The following FER variants were observed in gnomAD, a reference collection of about 807,000 sequenced individuals.
The protein encoded by FER is tyrosine-protein kinase Fer.
In FER, 63 loss-of-function variants were observed where a neutral mutation model predicts 111.0. The ratio of observed to expected loss-of-function variants is 0.57; its 90% CI spans 0.46 to 0.70. The LOEUF is 0.70. Ranked by LOEUF, FER falls within the 30% of genes least tolerant of loss-of-function variation. The pLI, the probability that FER is intolerant of heterozygous loss-of-function variation, is 0.00. For missense variants in FER, 914 were observed against 954.0 expected, an observed-to-expected ratio of 0.96 and a Z score of 0.55; for synonymous variants, 327 against 313.9, an observed-to-expected ratio of 1.04 and a Z score of -0.44.
intron 17 of FER, among the ~76,000 whole-genome samples, chr5:109,128,623 T>A (rs1041754390): frequency 6.6e-6 from 1 of 152,138 alleles, no homozygotes. Flanking sequence ...GAATGGGGAT[T>A]GTATTAAGAT....
intron 5 of FER, among the ~76,000 whole-genome samples, chr5:108,861,847 A>T (rs1361516129): frequency 6.6e-6 from 1 of 152,214 alleles, no homozygotes; most frequent in Non-Finnish European, 1.5e-5. Context: ...AAATTGACTT[A>T]TGTATCCTGT....
chr5:108,960,915 A>G (rs1332753357), intron 13 of FER, among the ~76,000 whole-genome samples: 1 of 152,116 alleles, frequency 6.6e-6, no homozygotes, highest in Non-Finnish European at 1.5e-5. Context: ...ACAATTAAGT[A>G]TATATCTCTT....
chr5:109,193,119 C>G lies in FER; in HGVS notation c.*5544C>G, dbSNP rs941349106. The G allele has an allele frequency of 6.6e-6, 1 of 152,156 alleles. No individual in the cohort carries two copies. The highest frequency in any genetic ancestry group is 1.5e-5 in the Non-Finnish European group (1 of 68,030). 9.4% of individuals were successfully genotyped at this position (152,156 alleles called of 1,614,324 possible). A position where few individuals can be genotyped will look rare whatever the true frequency, so the allele number is the denominator to read the frequency against. ...GCGTGCCTCTTAAGTCTCTACAACA[C>G]TTTTTTAAAGGGCATTGAATTGGAC... On this transcript the variant is annotated 3_prime_UTR_variant, in exon 20 of 20. Coordinates refer to ENST00000281092, the MANE Select transcript of FER (RefSeq NM_005246.4).
intron 13 of FER, among the ~76,000 whole-genome samples, chr5:108,981,557 A>C (rs931383128): frequency 6.6e-6 from 1 of 152,126 alleles, no homozygotes; most frequent in African/African-American, 2.4e-5. Context: ...ACAGCTGTGC[A>C]TAGTCCTGAG....
rs1382807588 is a variant in FER, at chr5:109,188,875, C to A, written c.*1300C>A. 6.6e-6 allele frequency: 1 copy of A among 152,150 alleles called. No homozygotes were observed. The highest frequency in any genetic ancestry group is 2.4e-5 in the African/African-American group (1 of 41,434). 9.4% of individuals were successfully genotyped at this position (152,150 alleles called of 1,614,324 possible). A position where few individuals can be genotyped will look rare whatever the true frequency, so the allele number is the denominator to read the frequency against. ...CCAGTTTTTAGAGCTGTCAGAATTT[C>A]ATGATTCTAGTTCACCAACACATTC... On this transcript the variant is annotated 3_prime_UTR_variant, in exon 20 of 20. Transcript: ENST00000281092.
At chr5:108,828,921 G>C (rs537185902) in intron 3 of FER, among the ~76,000 whole-genome samples, 1 of 152,158 alleles carries the variant, frequency 6.6e-6, no homozygotes, top group African/African-American at 2.4e-5. Context: ...AACATGGTGA[G>C]ACCCTGTCTC....
intron 17 of FER, among the ~76,000 whole-genome samples, chr5:109,108,941 A>ATTTTATTTTAAATATTT (rs1295677857): frequency 6.6e-6 from 1 of 152,116 alleles, no homozygotes; most frequent in Non-Finnish European, 1.5e-5. Context: ...GTTTTAAAAT[A>ATTTTATTTTAAATATTT]TTGTTCATCA....
chr5:108,973,742 CATGAGGG>C (rs1199835275), intron 13 of FER, among the ~76,000 whole-genome samples: 1 of 152,074 alleles, frequency 6.6e-6, no homozygotes, highest in African/African-American at 2.4e-5. Flanking sequence ...ATGGTCTTAC[CATGAGGG>C]ATACTTCCTA....
intron 2 of FER, among the ~76,000 whole-genome samples, chr5:108,770,011 C>T (rs1013413741): frequency 6.6e-6 from 1 of 152,090 alleles, no homozygotes; most frequent in Non-Finnish European, 1.5e-5. Context: ...TGCAATGGCA[C>T]AATCTCGATT....
intron 17 of FER, among the ~76,000 whole-genome samples, chr5:109,135,198 G>A (rs1451353512): frequency 6.6e-6 from 1 of 152,172 alleles, no homozygotes; most frequent in Non-Finnish European, 1.5e-5. Flanking sequence ...GATAATAATG[G>A]TAGGTAACAT....
chr5:108,899,189 A>G (rs181860083), intron 10 of FER, among the ~76,000 whole-genome samples: 2 of 152,234 alleles, frequency 1.3e-5, no homozygotes, highest in Admixed American at 6.5e-5. Context: ...TTAAATATTA[A>G]AATTAAACTA....
At chr5:109,168,402 T>C (rs1280060073) in intron 17 of FER, among the ~76,000 whole-genome samples, 1 of 152,064 alleles carries the variant, frequency 6.6e-6, no homozygotes, top group African/African-American at 2.4e-5. Context: ...GACTTTTGTC[T>C]CCATCCCCCA....
intron 1 of FER, among the ~76,000 whole-genome samples, chr5:108,767,817 G>C (rs1368608368): frequency 6.6e-6 from 1 of 152,184 alleles, no homozygotes; most frequent in East Asian, 1.9e-4. Flanking sequence ...TGATGTAAAC[G>C]TGGAGAAAAA....
At position 108,888,772 on chromosome 5, in the gene FER, A is replaced by G. The variant is rs930968939; in HGVS notation, c.1046+5254A>G. Among the ~76,000 whole-genome samples, 3 of 151,964 alleles carry G rather than the reference A, an allele frequency of 2.0e-5. No individual in the cohort carries two copies. In the Admixed American group the frequency reaches 2.0e-4, roughly 10 times the overall value. ...CAAAAGGAACATGTTCATATATGAG[A>G]GATTATGTCATAGATAAAGGCTGAA... On this transcript the variant is annotated intron_variant, in intron 9 of 19. Coordinates refer to ENST00000281092, the MANE Select transcript of FER (RefSeq NM_005246.4).
In FER at chr5:109,180,786, T is replaced by C. The variant is rs368804605; in HGVS notation, c.2088T>C (p.Asn696=). 5 of 1,613,402 alleles carry C rather than the reference T, an allele frequency of 3.1e-6. No homozygotes were observed. Among genetic ancestry groups the C allele is most frequent in the Non-Finnish European group, 4.2e-6 (5 of 1,179,682 alleles). Residue 696 remains asparagine (N), a synonymous_variant, in exon 18 of 20, where the codon AAT becomes AAC. Coordinates refer to ENST00000281092, the MANE Select transcript of FER (RefSeq NM_005246.4). ...GAAACTGCCTGGTAGGTGAAAATAATGTTCTGAAAATCAGTGACTTTGGAA... is the reference window on the plus strand; with the variant it reads ...GAAACTGCCTGGTAGGTGAAAATAACGTTCTGAAAATCAGTGACTTTGGAA... The part of the protein sequence containing the change: ...AARNCLVGEN[N]VLKISDFGMS...
chr5:108,903,484 G>C (rs1386056584), intron 10 of FER, among the ~76,000 whole-genome samples: 1 of 152,078 alleles, frequency 6.6e-6, no homozygotes, highest in Non-Finnish European at 1.5e-5. Flanking sequence ...GACCAACATG[G>C]CAAAACCCTG....
In FER at chr5:109,077,856, ATATAAT is replaced by A. The variant is rs1490001845; in HGVS notation, c.1925-22537_1925-22532del. ...AGCATTATAAAGAACTTTCAAACCC[ATATAAT>A]TAGTTTTTTTGTAATCATAAATAAT... On this transcript the variant is annotated intron_variant, in intron 16 of 19. Coordinates refer to ENST00000281092, the MANE Select transcript of FER (RefSeq NM_005246.4). Among the ~76,000 whole-genome samples the A allele has an allele frequency of 2.0e-5, 3 of 152,280 alleles. No individual in the cohort carries two copies. The East Asian group carries it at 5.8e-4, about 29-fold the overall frequency.
intron 3 of FER, among the ~76,000 whole-genome samples, chr5:108,831,496 A>G (rs6874229): frequency 0.42 from 63,945 of 152,010 alleles, 15,004 homozygotes; most frequent in African/African-American, 0.63. Context: ...TTAAGAGCAA[A>G]TTAGTGATTA....
At chr5:108,842,693 A>G (rs1400183279) in intron 5 of FER, 1 of 152,224 alleles carries the variant, frequency 6.6e-6, no homozygotes, top group Non-Finnish European at 1.5e-5. Flanking sequence ...CCACAATGTG[A>G]TACCTCCTTA....
Sources: allele counts gnomAD v4.1 joint callset (sites outside exome capture counted in the v4.1 genomes callset), GRCh38; gene constraint gnomAD v4.1.1; transcripts MANE v1.5; gene names NCBI Gene and HGNC (gene_info 2026-07-23, HGNC 2026-07-21).